Variants in TNR observed in about 807,000 individuals in gnomAD.
TNR encodes the protein tenascin R.
TNR carries 45 observed loss-of-function variants against 150.4 expected under a neutral mutation model. The ratio of observed to expected loss-of-function variants is 0.30; its 90% CI spans 0.24 to 0.38. The LOEUF (loss-of-function observed/expected upper bound fraction) is 0.38. TNR is among the 10% of genes least tolerant of loss of function. The pLI is 1.00. For missense variants in TNR, 1,544 were observed against 1,759.1 expected (o/e 0.88, Z 2.19); for synonymous variants, 687 against 678.4 (o/e 1.01, Z -0.20).
At chr1:175,464,999 G>A (rs1275040746) in intron 2 of TNR, among the ~76,000 whole-genome samples, 1 of 152,120 alleles carries the variant, frequency 6.6e-6, no homozygotes, top group Non-Finnish European at 1.5e-5. Flanking sequence ...CTGAGCCTGA[G>A]CAGGCCTGGA....
intron 2 of TNR, among the ~76,000 whole-genome samples, chr1:175,443,213 CTTGA>C (rs953331389): frequency 8.5e-5 from 13 of 152,134 alleles, no homozygotes; most frequent in African/African-American, 1.9e-4. Context: ...TGCCCTTTTG[CTTGA>C]TTAAGTCCCT....
rs1262143307 is a variant in TNR at position 175,317,883 on chromosome 1, G to A, written c.*5474C>T. On this transcript the variant is annotated 3_prime_UTR_variant, in exon 23 of 23. Transcript: ENST00000367674. The stretch of plus-strand genomic sequence containing the variant: ...GCCTTATTAAGCTTGAGGAAGGAGA[G>A]AGGATTTCCCCTTTGGAGAAAATGC... The A allele has an allele frequency of 6.6e-6, 1 of 152,228 alleles. No individual in the cohort carries two copies. The highest frequency in any genetic ancestry group is 2.1e-4 in the South Asian group (1 of 4,832). The allele number at this position is 152,228 out of a possible 1,614,324, so 9.4% of individuals were successfully genotyped here. A position where few individuals can be genotyped will look rare whatever the true frequency, so the allele number is the denominator to read the frequency against.
chr1:175,683,963 T>C (rs1025517716), intron 1 of TNR, among the ~76,000 whole-genome samples: 5 of 151,974 alleles, frequency 3.3e-5, no homozygotes, highest in African/African-American at 1.2e-4. Flanking sequence ...AGTCCCAAGG[T>C]GGGAAGGGAG....
At chr1:175,619,568 C>A (rs1663902627) in intron 1 of TNR, among the ~76,000 whole-genome samples, 1 of 152,108 alleles carries the variant, frequency 6.6e-6, no homozygotes, top group Non-Finnish European at 1.5e-5. Context: ...CGCTTTGGAC[C>A]TGAAAAAAGA....
intron 2 of TNR, among the ~76,000 whole-genome samples, chr1:175,470,237 G>A (rs1247460418): frequency 6.6e-6 from 1 of 152,088 alleles, no homozygotes; most frequent in Admixed American, 6.6e-5. Context: ...GGTGACAGTT[G>A]GGCCTTGGAA....
intron 1 of TNR, among the ~76,000 whole-genome samples, chr1:175,530,923 G>A (rs1660040449): frequency 6.6e-6 from 1 of 152,158 alleles, no homozygotes; most frequent in Non-Finnish European, 1.5e-5. Flanking sequence ...ACCATTTACT[G>A]AGAGCCTTGT....
At chr1:175,505,474 G>C (rs895753540) in intron 2 of TNR, among the ~76,000 whole-genome samples, 30 of 152,176 alleles carry the variant, frequency 2.0e-4, no homozygotes, top group Admixed American at 3.3e-4. Flanking sequence ...TCAGCAACCC[G>C]CCTCACTACA....
chr1:175,408,865 T>C (rs1654076518), intron 2 of TNR, among the ~76,000 whole-genome samples: 1 of 152,238 alleles, frequency 6.6e-6, no homozygotes, highest in African/African-American at 2.4e-5. Context: ...TGAAATGTGT[T>C]ATCCATTTGT....
intron 1 of TNR, among the ~76,000 whole-genome samples, chr1:175,676,277 T>C (rs1665863664): frequency 6.6e-6 from 1 of 152,082 alleles, no homozygotes; most frequent in Non-Finnish European, 1.5e-5. Flanking sequence ...TGAGCTACCT[T>C]TTATCTCAGA....
intron 1 of TNR, among the ~76,000 whole-genome samples, chr1:175,696,895 AAAG>A (rs1192251188): frequency 6.6e-6 from 1 of 151,914 alleles, no homozygotes; most frequent in Non-Finnish European, 1.5e-5. Flanking sequence ...AAAAAAAAAA[AAAG>A]AATATCATAA....
At chr1:175,355,381 AGC>A (rs1491013769) in intron 17 of TNR, 120 bp downstream of exon 17, 10 of 761,106 alleles carry the variant, frequency 1.3e-5, no homozygotes, top group Non-Finnish European at 1.7e-5. Context: ...GAAGCTGATG[AGC>A]AATCCTTGTG....
intron 1 of TNR, among the ~76,000 whole-genome samples, chr1:175,698,537 T>A (rs921916871): frequency 1.3e-5 from 2 of 151,738 alleles, no homozygotes; most frequent in African/African-American, 2.4e-5. Context: ...GCAAAGCCAG[T>A]GGGAAATAAG....
chr1:175,606,828 G>T (rs1451482206), intron 1 of TNR, among the ~76,000 whole-genome samples: 1 of 152,196 alleles, frequency 6.6e-6, no homozygotes, highest in East Asian at 1.9e-4. Context: ...GATAGATGGG[G>T]GAGTGTGAAA....
intron 6 of TNR, among the ~76,000 whole-genome samples, chr1:175,391,972 G>T (rs750946035): frequency 2.0e-5 from 3 of 152,154 alleles, no homozygotes; most frequent in Non-Finnish European, 4.4e-5. Context: ...AGTTTCTCAT[G>T]GTGCTACATT....
Position 175,362,820 on chromosome 1 carries a change from G to A in TNR, c.2708-11C>T, listed in dbSNP as rs1373539132. The A allele has an allele frequency of 1.2e-6, 2 of 1,613,864 alleles. No homozygotes were observed. The highest frequency in any genetic ancestry group is 1.7e-5 in the Admixed American group (1 of 60,012). ...TGTCTAGTCGTCCCACTGGAGAAGAGAAGAATCTACAGTTAAAATTCAGCA... is the reference window on the plus strand; with the variant it reads ...TGTCTAGTCGTCCCACTGGAGAAGAAAAGAATCTACAGTTAAAATTCAGCA... On this transcript the variant is annotated splice_polypyrimidine_tract_variant and intron_variant, in intron 13 of 22. Transcript: ENST00000367674.
intron 14 of TNR, among the ~76,000 whole-genome samples, chr1:175,362,231 C>G (rs3766677): frequency 0.53 from 80,612 of 151,940 alleles, 21,587 homozygotes; most frequent in East Asian, 0.71. Flanking sequence ...AGCAAAGGCA[C>G]CTTCTTGGTG....
chr1:175,600,809 A>G (rs961103886), intron 1 of TNR, among the ~76,000 whole-genome samples: 1 of 152,266 alleles, frequency 6.6e-6, no homozygotes, highest in African/African-American at 2.4e-5. Context: ...AACGAAAACA[A>G]TGAAAAACCC....
chr1:175,628,704 A>C (rs1664233590), intron 1 of TNR, among the ~76,000 whole-genome samples: 1 of 152,018 alleles, frequency 6.6e-6, no homozygotes, highest in Admixed American at 6.5e-5. Flanking sequence ...AGCAGCAGAG[A>C]AAGAATGAAG....
intron 1 of TNR, among the ~76,000 whole-genome samples, chr1:175,723,309 C>T (rs1005341683): frequency 1.3e-5 from 2 of 152,134 alleles, no homozygotes; most frequent in African/African-American, 2.4e-5. Flanking sequence ...ATTTGCAGCC[C>T]TCTTCTAAAA....
Sources: allele counts gnomAD v4.1 joint callset (sites outside exome capture counted in the v4.1 genomes callset), GRCh38; gene constraint gnomAD v4.1.1; transcripts MANE v1.5; gene names NCBI Gene and HGNC (gene_info 2026-07-23, HGNC 2026-07-21).